The following LBX1 variants were observed in gnomAD, a reference collection of about 807,000 sequenced individuals.
LBX1 encodes transcription factor LBX1.
In LBX1, 6 loss-of-function variants were observed where a neutral mutation model predicts 19.9. The ratio of observed to expected loss-of-function variants is 0.30; its 90% confidence interval spans 0.17 to 0.60. LBX1 has a LOEUF of 0.60. LBX1 is among the 20% of genes least tolerant of loss of function. The probability of loss-of-function intolerance (pLI) is 0.87; values close to 1 mark genes in which losing one functional copy is unlikely to be tolerated. For missense variants in LBX1, 344 were observed against 393.7 expected (o/e 0.87, Z 1.07); for synonymous variants, 190 against 189.3 (o/e 1.00, Z -0.03).
At chr10:101,227,992 C>T (rs1941065285) in intron 1 of LBX1, among the ~76,000 whole-genome samples, 1 of 152,130 alleles carries the variant, frequency 6.6e-6, no homozygotes, top group Admixed American at 6.5e-5. Context: ...CCCAGAAGTC[C>T]CTAGGAAAAA....
intron 1 of LBX1, 143 bp from the exon 2 acceptor site, chr10:101,227,933 G>A: frequency 2.6e-6 from 2 of 776,600 alleles, no homozygotes; most frequent in Non-Finnish European, 3.9e-6. Context: ...TCAGCCTCCA[G>A]GACCAGGGCA....
chr10:101,227,824 G>A (rs1215432860), intron 1 of LBX1, 34 bp from the exon 2 acceptor site: 1 of 1,528,694 alleles, frequency 6.5e-7, no homozygotes, highest in South Asian at 1.3e-5. Context: ...CTCGCGTTGG[G>A]AGAGAGGAAG....
In LBX1 at chr10:101,228,619, T is replaced by G; in HGVS notation, c.197A>C (p.His66Pro). ...CGCCAGGGGCAAGCCGCCCTGCGCG[T>G]GCTTGTCCGCGGCGGCCAGCAGGTG... ...AAHLLAAADKHAQGGLPLAGR... is the reference protein window; with the variant it reads ...AAHLLAAADKPAQGGLPLAGR... The change falls in exon 1 of 2, where the codon CAC becomes CCC. Residue 66 changes from histidine (H) to proline (P), a missense_variant. His to Pro is a moderately conservative substitution (Grantham distance 77, BLOSUM62 -2). Coordinates refer to ENST00000370193, the MANE Select transcript of LBX1 (RefSeq NM_006562.5). The G allele has an allele frequency of 6.4e-7, 1 of 1,573,362 alleles. No homozygotes were observed. The highest frequency in any genetic ancestry group is 2.3e-5 in the East Asian group (1 of 43,104).
At position 101,227,810 on chromosome 10, in the gene LBX1, T is replaced by A; in HGVS notation, c.326-20A>T. On this transcript the variant is annotated intron_variant, in intron 1 of 1. Coordinates refer to ENST00000370193, the MANE Select transcript of LBX1 (RefSeq NM_006562.5). Reference sequence around the variant, plus strand: ...CGCGGCCTGGGAGGAAAGGACAGTGTAGGCTCGCGTTGGGAGAGAGGAAGC... The same window carrying A: ...CGCGGCCTGGGAGGAAAGGACAGTGAAGGCTCGCGTTGGGAGAGAGGAAGC... The A allele has an allele frequency of 6.5e-7, 1 of 1,546,564 alleles. No homozygotes were observed. The highest frequency in any genetic ancestry group is 1.2e-5 in the South Asian group (1 of 80,616).
In LBX1 at chr10:101,227,381, C is replaced by A. The variant is rs778251802; in HGVS notation, c.735G>T (p.Pro245=). The change falls in exon 2 of 2, where the codon CCG becomes CCT. Residue 245 remains proline, a synonymous_variant. Coordinates refer to ENST00000370193, the MANE Select transcript of LBX1 (RefSeq NM_006562.5). ...PVLPPGAPKA[P]GAGALQLSPA... ...GCGAGAGCTGCAGGGCGCCAGCGCC[C>A]GGGGCCTTCGGGGCGCCTGGGGGGA... 1 of 1,604,320 alleles carries A rather than the reference C, an allele frequency of 6.2e-7. No homozygotes were observed. Among genetic ancestry groups the A allele is most frequent in the East Asian group, 2.2e-5 (1 of 44,606 alleles).
chr10:101,228,387 TG>T, intron 1 of LBX1, 103 bp downstream of exon 1: 1 of 835,008 alleles, frequency 1.2e-6, no homozygotes, highest in Non-Finnish European at 1.8e-6. Context: ...TGGAAGGCCC[TG>T]GCGGCCGGAG....
chr10:101,228,124 C>A (rs943562465), intron 1 of LBX1, among the ~76,000 whole-genome samples: 5 of 152,152 alleles, frequency 3.3e-5, no homozygotes, highest in Non-Finnish European at 7.3e-5. Context: ...CCATCCCTTC[C>A]CAATCACTTC....
At position 101,228,723 on chromosome 10, in the gene LBX1, C is replaced by T. The variant is rs1941077189; in HGVS notation, c.93G>A (p.Lys31=). Residue 31 remains lysine, a synonymous_variant, in exon 1 of 2, where the codon AAG becomes AAA. Transcript: ENST00000370193. The part of the protein sequence containing the change: ...DHLPPPANSN[K]PLTPFSIEDI... Reference sequence around the variant, plus strand: ...CCTCGATGCTGAACGGCGTCAGTGGCTTGTTGGAGTTGGCAGGCGGAGGCA... The same window carrying T: ...CCTCGATGCTGAACGGCGTCAGTGGTTTGTTGGAGTTGGCAGGCGGAGGCA... 5 of 1,606,196 alleles carry T rather than the reference C, an allele frequency of 3.1e-6. No individual in the cohort carries two copies. Among genetic ancestry groups the T allele is most frequent in the African/African-American group, 1.4e-5 (1 of 73,406 alleles).
chr10:101,228,249 A>C (rs1447961796), intron 1 of LBX1, among the ~76,000 whole-genome samples: 1 of 152,174 alleles, frequency 6.6e-6, no homozygotes, highest in South Asian at 2.1e-4. Context: ...CAAAGCAAGC[A>C]GACTGCGGAA....
At chr10:101,228,395 G>T in intron 1 of LBX1, 96 bp downstream of exon 1, 1 of 939,080 alleles carries the variant, frequency 1.1e-6, no homozygotes, top group Non-Finnish European at 1.5e-6. Context: ...CCTGGCGGCC[G>T]GAGAGGGCAG....
At position 101,228,628 on chromosome 10, in the gene LBX1, G is replaced by A. The variant is rs1941075176; in HGVS notation, c.188C>T (p.Ala63Val). 3 of 1,578,282 alleles carry A rather than the reference G, an allele frequency of 1.9e-6. No individual in the cohort carries two copies. The highest frequency in any genetic ancestry group is 1.2e-5 in the South Asian group (1 of 86,680). Reference sequence around the variant, plus strand: ...CAAGCCGCCCTGCGCGTGCTTGTCCGCGGCGGCCAGCAGGTGCGCCGCCCC... The same window carrying A: ...CAAGCCGCCCTGCGCGTGCTTGTCCACGGCGGCCAGCAGGTGCGCCGCCCC... ...LCGAAHLLAA[A>V]DKHAQGGLPL... The change falls in exon 1 of 2, where the codon GCG becomes GTG. Residue 63 changes from alanine to valine, a missense_variant. This residue lies in a region of LBX1 where 153 missense variants were observed against 168.9 expected (regional missense o/e 0.91). Transcript: ENST00000370193.
In LBX1 at chr10:101,227,201, G is replaced by T. The variant is rs1228463742; in HGVS notation, c.*69C>A. On this transcript the variant is annotated 3_prime_UTR_variant, in exon 2 of 2. Transcript: ENST00000370193. ...GAGGAGGTCCCAGCTCCCCTCGGCG[G>T]TCCGGTCCGGGAGGCGTTGGGCTTT... 1.3e-6 allele frequency: 2 copies of T among 1,488,322 alleles called. No individual in the cohort carries two copies. The highest frequency in any genetic ancestry group is 2.5e-5 in the East Asian group (1 of 40,644). 92.2% of individuals were successfully genotyped at this position (1,488,322 alleles called of 1,614,324 possible).
At chr10:101,228,439 G>A in intron 1 of LBX1, 52 bp downstream of exon 1, 4 of 1,423,050 alleles carry the variant, frequency 2.8e-6, no homozygotes, top group Non-Finnish European at 3.8e-6. Flanking sequence ...GAAGCGCGCA[G>A]GGCACAGGGC....
Position 101,227,216 on chromosome 10 carries a change from C to G in LBX1, c.*54G>C. Reference sequence around the variant, plus strand: ...CCCCTCGGCGGTCCGGTCCGGGAGGCGTTGGGCTTTCGAGCGCTAGGAGCC... The same window carrying G: ...CCCCTCGGCGGTCCGGTCCGGGAGGGGTTGGGCTTTCGAGCGCTAGGAGCC... On this transcript the variant is annotated 3_prime_UTR_variant, in exon 2 of 2. Coordinates refer to ENST00000370193, the MANE Select transcript of LBX1 (RefSeq NM_006562.5). 1 of 1,548,548 alleles carries G rather than the reference C, an allele frequency of 6.5e-7. No individual in the cohort carries two copies. Among genetic ancestry groups the G allele is most frequent in the Non-Finnish European group, 8.7e-7 (1 of 1,146,386 alleles).
At position 101,228,961 on chromosome 10, in the gene LBX1, G is replaced by T; in HGVS notation, c.-146C>A. On this transcript the variant is annotated 5_prime_UTR_variant, in exon 1 of 2. Transcript: ENST00000370193. ...CAGGGCGCGGGCCGGGCGCGGGGCC[G>T]ATTAGCGCGGCGGCTGAGGAGGGGA... The T allele has an allele frequency of 3.3e-6, 1 of 302,978 alleles. No individual in the cohort carries two copies. The highest frequency in any genetic ancestry group is 1.3e-4 in the South Asian group (1 of 7,760). 18.8% of individuals were successfully genotyped at this position (302,978 alleles called of 1,614,324 possible).
Position 101,228,481 on chromosome 10 carries a change from C to T in LBX1, c.325+10G>A. The T allele has an allele frequency of 6.5e-7, 1 of 1,544,330 alleles. No individual in the cohort carries two copies. Among genetic ancestry groups the T allele is most frequent in the Admixed American group, 2.0e-5 (1 of 50,564 alleles). On this transcript the variant is annotated intron_variant, in intron 1 of 1. Transcript: ENST00000370193. ...CGCTGGGTGCAGGGGAACCCAGCAG[C>T]TGCGCCTACCTTCGGCTGCCTGCAG... is the stretch of plus-strand genomic sequence containing the variant.
Position 101,227,443 on chromosome 10 carries a change from A to C in LBX1, c.673T>G (p.Cys225Gly). The change falls in exon 2 of 2, where the codon TGC (cysteine) becomes GGC (glycine). Residue 225 changes from cysteine to glycine, a missense_variant. By Grantham distance (159) the Cys-to-Gly change is radical. Around this residue, in one of 3 missense-constraint regions of LBX1, gnomAD observed 146 missense variants for 124.2 expected, o/e 1.18. Transcript: ENST00000370193. ...CCGGGCCTCGACTTGGCCCTGCCGC[A>C]GCCGCCGCCACCGCCGGCTGTGGCC... ...SEATAGGGGGCGRAKSRPGSP... is the reference protein window; with the variant it reads ...SEATAGGGGGGGRAKSRPGSP... The C allele has an allele frequency of 6.3e-7, 1 of 1,595,796 alleles. No individual in the cohort carries two copies. The highest frequency in any genetic ancestry group is 1.1e-5 in the South Asian group (1 of 89,912).
Position 101,227,618 on chromosome 10 carries a change from G to A in LBX1, c.498C>T (p.Asn166=), listed in dbSNP as rs532179935. The A allele has an allele frequency of 6.2e-7, 1 of 1,614,250 alleles. No individual in the cohort carries two copies. The highest frequency in any genetic ancestry group is 8.5e-7 in the Non-Finnish European group (1 of 1,180,038). ...TCTGGAACCAGGTGATGACTTGCGC[G>A]TTGGTGAGGCCCAGCTGCTGCGCGA... The part of the protein sequence containing the change: ...DQIAQQLGLT[N]AQVITWFQNR... Residue 166 remains asparagine (N), a synonymous_variant, in exon 2 of 2, where the codon AAC becomes AAT. Coordinates refer to ENST00000370193, the MANE Select transcript of LBX1 (RefSeq NM_006562.5).
Position 101,227,017 on chromosome 10 carries a change from G to T in LBX1, c.*253C>A. 1 of 397,604 alleles carries T rather than the reference G, an allele frequency of 2.5e-6. No individual in the cohort carries two copies. The highest frequency in any genetic ancestry group is 4.4e-6 in the Non-Finnish European group (1 of 225,226). The allele number at this position is 397,604 out of a possible 1,614,324, so 24.6% of individuals were successfully genotyped here. On this transcript the variant is annotated 3_prime_UTR_variant, in exon 2 of 2. Coordinates refer to ENST00000370193, the MANE Select transcript of LBX1 (RefSeq NM_006562.5). Reference sequence around the variant, plus strand: ...TATAGGTTTAAATATTTATATAGAAGCCATACAGAATTGCACGGCGAGGGC... The same window carrying T: ...TATAGGTTTAAATATTTATATAGAATCCATACAGAATTGCACGGCGAGGGC...
Sources: gnomAD v4.1 joint callset for allele counts (sites outside exome capture counted in the v4.1 genomes callset) on GRCh38, gnomAD v4.1.1 for gene constraint, gnomAD v4.1.1 regional missense constraint, MANE v1.5 for transcripts, NCBI Gene and HGNC (gene_info 2026-07-23, HGNC 2026-07-21) for gene names.